Variants in RETREG3 observed in about 807,000 individuals in gnomAD.
The protein encoded by RETREG3 is reticulophagy regulator 3.
Under a neutral mutation model 50.2 loss-of-function variants are expected in RETREG3, and 23 were observed. The ratio of observed to expected loss-of-function variants is 0.46; its 90% CI spans 0.33 to 0.65. The LOEUF (loss-of-function observed/expected upper bound fraction) is 0.65, where lower values mean the gene tolerates loss of function less well. RETREG3 is among the 30% of genes least tolerant of loss of function. The pLI is 0.02. For missense variants in RETREG3, 546 were observed against 598.0 expected (o/e 0.91, Z 0.91); for synonymous variants, 240 against 234.4 (o/e 1.02, Z -0.22).
intron 3 of RETREG3, 170 bp downstream of exon 3, chr17:42,587,664 C>A (rs1004666252): frequency 4.1e-6 from 3 of 724,840 alleles, no homozygotes; most frequent in Non-Finnish European, 7.0e-6. Flanking sequence ...CACAGGCCAT[C>A]TCAACATATT....
At chr17:42,596,122 A>G (rs1459307662) in intron 1 of RETREG3, among the ~76,000 whole-genome samples, 1 of 151,526 alleles carries the variant, frequency 6.6e-6, no homozygotes, top group Admixed American at 6.6e-5. Flanking sequence ...TAATCCCAAC[A>G]CTTTGGGAGG....
chr17:42,586,532 A>C (rs2093121571), intron 4 of RETREG3: 1 of 450,290 alleles, frequency 2.2e-6, no homozygotes, highest in Non-Finnish European at 4.0e-6. Flanking sequence ...TCCTATCTTG[A>C]AGCAAGAAAA....
chr17:42,586,547 C>G, intron 4 of RETREG3: 1 of 491,504 alleles, frequency 2.0e-6, no homozygotes, highest in Non-Finnish European at 3.6e-6. Context: ...AGAAAACGGC[C>G]TCATCTAAGT....
chr17:42,585,115 T>G lies in RETREG3; in HGVS notation c.727+10A>C. ...TGCGTAAGTGGAAAGAATGACACCA[T>G]GACACTTACATTGTCTCTCTCTCTG... On this transcript the variant is annotated intron_variant, in intron 6 of 8. Transcript: ENST00000309428. The G allele has an allele frequency of 6.2e-7, 1 of 1,612,074 alleles. No individual in the cohort carries two copies. Among genetic ancestry groups the G allele is most frequent in the Non-Finnish European group, 8.5e-7 (1 of 1,179,722 alleles).
At chr17:42,604,032 T>C (rs1305485810) in intron 1 of RETREG3, among the ~76,000 whole-genome samples, 2 of 143,706 alleles carry the variant, frequency 1.4e-5, no homozygotes, top group Non-Finnish European at 3.1e-5. Flanking sequence ...ACAGAACAAA[T>C]ATCTCTACTT....
chr17:42,583,653 A>G, intron 6 of RETREG3, 73 bp from the exon 7 acceptor site: 4 of 1,424,570 alleles, frequency 2.8e-6, no homozygotes, highest in Non-Finnish European at 3.9e-6. Flanking sequence ...TTAAAGACAT[A>G]AAATCAGAAC....
At chr17:42,588,471 G>T (rs773050628) in intron 2 of RETREG3, among the ~76,000 whole-genome samples, 1 of 151,284 alleles carries the variant, frequency 6.6e-6, no homozygotes, top group Non-Finnish European at 1.5e-5. Context: ...GTGCAGTGGC[G>T]TGATCTCAGC....
At position 42,582,125 on chromosome 17, in the gene RETREG3, C is replaced by A; in HGVS notation, c.1089G>T (p.Gly363=). ...MPSLMYRSPP[G]AEEPQAPPAS... is the part of the protein sequence containing the mutation. The stretch of plus-strand genomic sequence containing the variant: ...CAGGTGGGGCCTGGGGCTCCTCAGC[C>A]CCTGGCGGAGAACGGTACATCAAGC... Residue 363 remains glycine, a synonymous_variant, in exon 9 of 9, where the codon GGG becomes GGT. Transcript: ENST00000309428. 1.9e-6 allele frequency: 3 copies of A among 1,614,082 alleles called. No homozygotes were observed. Among genetic ancestry groups the A allele is most frequent in the Middle Eastern group, 1.6e-4 (1 of 6,062 alleles).
At chr17:42,593,588 C>T (rs944495627) in intron 1 of RETREG3, among the ~76,000 whole-genome samples, 2 of 145,126 alleles carry the variant, frequency 1.4e-5, no homozygotes, top group Admixed American at 1.4e-4. Context: ...GCGGAGCTTG[C>T]AGTGAGCCAA....
intron 3 of RETREG3, chr17:42,587,595 A>G (rs2093123767): frequency 2.1e-6 from 1 of 479,032 alleles, no homozygotes; most frequent in South Asian, 2.9e-5. Flanking sequence ...CTGGCATGTC[A>G]GGTTATGGGG....
intron 1 of RETREG3, among the ~76,000 whole-genome samples, chr17:42,593,564 C>A: frequency 6.7e-6 from 1 of 149,152 alleles, no homozygotes; most frequent in Non-Finnish European, 1.5e-5. Context: ...ACGAGAATGG[C>A]GTGAACCTGG....
chr17:42,586,687 T>G, intron 4 of RETREG3, 78 bp downstream of exon 4: 2 of 1,532,496 alleles, frequency 1.3e-6, no homozygotes, highest in Non-Finnish European at 8.8e-7. Flanking sequence ...TGAAGACACA[T>G]AGTAAAGGAG....
chr17:42,588,715 T>C (rs928320659), intron 2 of RETREG3, among the ~76,000 whole-genome samples: 3 of 152,008 alleles, frequency 2.0e-5, no homozygotes, highest in Admixed American at 1.3e-4. Context: ...TGGAATGCAG[T>C]GGCACGATCT....
chr17:42,585,159 A>G lies in RETREG3; in HGVS notation c.693T>C (p.Arg231=). ...PALQRLDFSV[R]GYMMSKQRER... is the part of the protein sequence containing the mutation. ...CTCTCTGCTTGGACATCATGTAGCC[A>G]CGGACACTGAAGTCTAGCCGCTGCA... Residue 231 remains arginine (R), a synonymous_variant, in exon 6 of 9, where the codon CGT becomes CGC. Coordinates refer to ENST00000309428, the MANE Select transcript of RETREG3 (RefSeq NM_178126.4). 2.5e-6 allele frequency: 4 copies of G among 1,613,682 alleles called. No homozygotes were observed. The highest frequency in any genetic ancestry group is 3.3e-5 in the Admixed American group (2 of 60,000).
chr17:42,586,591 CTG>C (rs2093121733), intron 4 of RETREG3, among the ~76,000 whole-genome samples, 172 bp downstream of exon 4: 1 of 152,200 alleles, frequency 6.6e-6, no homozygotes, highest in African/African-American at 2.4e-5. Flanking sequence ...CACCAAGCTC[CTG>C]TGTTAGTCCT....
chr17:42,608,428 CCTCT>C (rs1282029312), intron 1 of RETREG3, among the ~76,000 whole-genome samples: 2 of 152,314 alleles, frequency 1.3e-5, no homozygotes, highest in South Asian at 2.1e-4. Flanking sequence ...GCTAAGGATG[CCTCT>C]CTAATTCCTT....
intron 7 of RETREG3, 147 bp from the exon 8 acceptor site, chr17:42,582,953 A>T: frequency 1.9e-6 from 2 of 1,026,858 alleles, no homozygotes; most frequent in Non-Finnish European, 1.4e-6. Context: ...CCCGTTGAAA[A>T]CTCCCTCTCC....
chr17:42,592,241 G>T, intron 1 of RETREG3, 79 bp from the exon 2 acceptor site: 2 of 1,160,990 alleles, frequency 1.7e-6, no homozygotes, highest in Non-Finnish European at 1.2e-6. Context: ...TGTACGATGG[G>T]CTCTGTGGTA....
chr17:42,607,499 CAAAAA>C (rs34542887), intron 1 of RETREG3, among the ~76,000 whole-genome samples: 1 of 46,938 alleles, frequency 2.1e-5, no homozygotes, highest in Non-Finnish European at 3.5e-5. Context: ...GACCTTGTCT[CAAAAA>C]AAAAAAAAAA....
Sources: allele counts gnomAD v4.1 joint callset (sites outside exome capture counted in the v4.1 genomes callset), GRCh38; gene constraint gnomAD v4.1.1; transcripts MANE v1.5; gene names NCBI Gene and HGNC (gene_info 2026-07-23, HGNC 2026-07-21).